SCG5: variants seen among roughly 807,000 people sequenced by gnomAD.
SCG5 encodes secretogranin V.
In SCG5, 18 loss-of-function variants were observed where a neutral mutation model predicts 25.7. That is an observed-to-expected ratio of 0.70 (90% CI 0.48 to 1.04). The LOEUF is 1.04. SCG5 is among the 50% of genes least tolerant of loss of function. SCG5 has a pLI of 0.00. For synonymous variants in SCG5, 101 were observed against 91.7 expected (o/e 1.10, Z -0.58); for missense variants, 206 against 259.8 (o/e 0.79, Z 1.42).
At chr15:32,687,532 G>T (rs2054738651) in intron 4 of SCG5, among the ~76,000 whole-genome samples, 1 of 152,280 alleles carries the variant, frequency 6.6e-6, no homozygotes, top group South Asian at 2.1e-4. Flanking sequence ...AGTATGTCTT[G>T]CTTTTCTAAA....
Position 32,692,929 on chromosome 15 carries a change from T to A in SCG5, c.543+1166T>A, listed in dbSNP as rs545120674. On this transcript the variant is annotated intron_variant, in intron 5 of 5. Coordinates refer to ENST00000300175, the MANE Select transcript of SCG5 (RefSeq NM_001144757.3). ...ACGCGAGAAGTAGAAAATTTTTACC[T>A]CTGGAAACAAATCTTTTTTGAGGAG... Among the ~76,000 whole-genome samples the A allele has an allele frequency of 8.5e-4, 130 of 152,242 alleles. 1 individual carries two copies. Among genetic ancestry groups the A allele is most frequent in the African/African-American group, 2.9e-3 (122 of 41,556 alleles).
chr15:32,652,674 A>G (rs551130244), intron 2 of SCG5, among the ~76,000 whole-genome samples: 12 of 152,324 alleles, frequency 7.9e-5, no homozygotes, highest in African/African-American at 2.6e-4. Context: ...CAAGCACTGT[A>G]CTAATTCTAG....
At chr15:32,666,414 T>G (rs566461739) in intron 2 of SCG5, 3 of 152,208 alleles carry the variant, frequency 2.0e-5, no homozygotes, top group Non-Finnish European at 4.4e-5. Context: ...ACTATCCAGT[T>G]TTCCAATTAT....
At chr15:32,693,322 T>C (rs537603287) in intron 5 of SCG5, among the ~76,000 whole-genome samples, 10 of 152,312 alleles carry the variant, frequency 6.6e-5, no homozygotes, top group East Asian at 3.9e-4. Context: ...CTAAGACACA[T>C]GCTATAAAGG....
rs538083457 is a variant in SCG5 at position 32,643,189 on chromosome 15, A to T, written c.-7-397A>T. ...TATTCCCAGAGACTGGGAAAACCCA[A>T]GATGCCACTATCTCTTTCTCAAAAT... On this transcript the variant is annotated intron_variant, in intron 1 of 5. Coordinates refer to ENST00000300175, the MANE Select transcript of SCG5 (RefSeq NM_001144757.3). Among the ~76,000 whole-genome samples, 52 of 152,308 alleles carry T rather than the reference A, an allele frequency of 3.4e-4. No individual in the cohort carries two copies. The East Asian group carries it at 3.5e-3, about 10-fold the overall frequency.
In SCG5 at chr15:32,684,546, G is replaced by T; in HGVS notation, c.377-11G>T. On this transcript the variant is annotated splice_polypyrimidine_tract_variant and intron_variant, in intron 3 of 5. Coordinates refer to ENST00000300175, the MANE Select transcript of SCG5 (RefSeq NM_001144757.3). ...CTTGGCCGTTCCTCAAAAACCTTTGGCTGTTTGCAGCAGATGATGGATGTC... is the reference window on the plus strand; with the variant it reads ...CTTGGCCGTTCCTCAAAAACCTTTGTCTGTTTGCAGCAGATGATGGATGTC... 1 of 1,578,370 alleles carries T rather than the reference G, an allele frequency of 6.3e-7. No individual in the cohort carries two copies. Among genetic ancestry groups the T allele is most frequent in the East Asian group, 2.2e-5 (1 of 44,688 alleles).
chr15:32,691,735 TGAAG>T lies in SCG5; in HGVS notation c.517_520del (p.Lys173GlufsTer62), dbSNP rs772849254. On this transcript the variant is annotated frameshift_variant, in exon 5 of 6. Transcript: ENST00000300175. LOFTEE classifies it high-confidence loss of function. ...AACAAGAAACTCCTTTACGAGAAGA[TGAAG>T]GGAGGAGAGAGACGAAAGCGGAGGG... is the stretch of plus-strand genomic sequence containing the variant. 4 of 1,611,790 alleles carry T rather than the reference TGAAG, an allele frequency of 2.5e-6. No individual in the cohort carries two copies. The highest frequency in any genetic ancestry group is 3.4e-6 in the Non-Finnish European group (4 of 1,179,210).
intron 2 of SCG5, among the ~76,000 whole-genome samples, chr15:32,665,056 T>C (rs2054296778): frequency 6.6e-6 from 1 of 152,190 alleles, no homozygotes; most frequent in Non-Finnish European, 1.5e-5. Context: ...GTAAACCCTT[T>C]GGGGTTTTTG....
chr15:32,688,793 C>A (rs1201518363), intron 4 of SCG5, among the ~76,000 whole-genome samples: 2 of 152,088 alleles, frequency 1.3e-5, no homozygotes, highest in African/African-American at 4.8e-5. Flanking sequence ...CCCGTCTCTA[C>A]TAAAAATACA....
intron 2 of SCG5, among the ~76,000 whole-genome samples, chr15:32,659,125 G>C (rs1595796523): frequency 6.6e-6 from 1 of 152,062 alleles, no homozygotes; most frequent in Admixed American, 6.5e-5. Context: ...GCAGTGAGCC[G>C]AGATGGCGCC....
intron 2 of SCG5, among the ~76,000 whole-genome samples, chr15:32,663,057 A>G (rs1166061543): frequency 1.4e-5 from 1 of 69,554 alleles, no homozygotes; most frequent in Non-Finnish European, 3.0e-5. Flanking sequence ...ATATATATAT[A>G]TATATATATA....
chr15:32,677,272 T>C (rs970243567), intron 2 of SCG5, among the ~76,000 whole-genome samples: 1 of 152,222 alleles, frequency 6.6e-6, no homozygotes, highest in Non-Finnish European at 1.5e-5. Context: ...GTTGCCTGAA[T>C]GCGGGGGCTA....
intron 2 of SCG5, among the ~76,000 whole-genome samples, chr15:32,664,716 T>G (rs942086465): frequency 2.0e-5 from 3 of 152,346 alleles, no homozygotes; most frequent in Middle Eastern, 3.4e-3. Context: ...TTTGTGCTGC[T>G]AGGTTCTTCT....
In SCG5 at chr15:32,684,624, G is replaced by C. The variant is rs765603902; in HGVS notation, c.444G>C (p.Gln148His). 2.5e-6 allele frequency: 4 copies of C among 1,613,674 alleles called. No homozygotes were observed. The highest frequency in any genetic ancestry group is 3.4e-6 in the Non-Finnish European group (4 of 1,179,804). ...AEFSREFQLHQHLFDPEHDYP... is the reference protein window; with the variant it reads ...AEFSREFQLHHHLFDPEHDYP... The stretch of plus-strand genomic sequence containing the variant: ...TCAGTCGAGAGTTCCAGTTGCACCA[G>C]CATCTCTTTGATCCGGAACATGACT... The change falls in exon 4 of 6, where the codon CAG becomes CAC. Residue 148 changes from glutamine (Q) to histidine (H), a missense_variant. By Grantham distance (24) the Gln-to-His change is conservative (BLOSUM62 0). Coordinates refer to ENST00000300175, the MANE Select transcript of SCG5 (RefSeq NM_001144757.3).
intron 4 of SCG5, 73 bp downstream of exon 4, chr15:32,684,742 A>G (rs1434621587): frequency 1.2e-5 from 11 of 896,658 alleles, no homozygotes; most frequent in Non-Finnish European, 1.8e-5. Context: ...GGGATGAGCA[A>G]TATGGGCAGA....
intron 2 of SCG5, chr15:32,665,564 A>G (rs1277364751): frequency 1.3e-5 from 2 of 152,240 alleles, no homozygotes; most frequent in African/African-American, 4.8e-5. Flanking sequence ...AAGTCCCTAT[A>G]GGTAAAATCA....
chr15:32,644,511 T>C (rs1427177428), intron 2 of SCG5, among the ~76,000 whole-genome samples: 1 of 152,260 alleles, frequency 6.6e-6, no homozygotes, highest in Non-Finnish European at 1.5e-5. Flanking sequence ...AATGTGGTCA[T>C]AATACTTGTA....
chr15:32,658,558 T>C (rs56714246), intron 2 of SCG5, among the ~76,000 whole-genome samples: 12,799 of 152,130 alleles, frequency 0.084, 655 homozygotes, highest in Middle Eastern at 0.2. Context: ...TGTCGCCAAG[T>C]TTTTCTGCTT....
At chr15:32,662,235 G>A (rs1344086818) in intron 2 of SCG5, among the ~76,000 whole-genome samples, 1 of 152,040 alleles carries the variant, frequency 6.6e-6, no homozygotes, top group Non-Finnish European at 1.5e-5. Context: ...AGAATAATTG[G>A]GTCAAGCTCT....
Sources: allele counts gnomAD v4.1 joint callset (sites outside exome capture counted in the v4.1 genomes callset), GRCh38; gene constraint gnomAD v4.1.1; transcripts MANE v1.5; gene names NCBI Gene and HGNC (gene_info 2026-07-23, HGNC 2026-07-21).